The following INKA2 variants were observed in gnomAD, a reference collection of about 807,000 sequenced individuals.
INKA2 encodes the protein PAK4-inhibitor INKA2.
A neutral mutation model predicts 9.8 loss-of-function variants in INKA2; 3 were observed. The observed-to-expected ratio is 0.31, with a 90% CI of 0.14 to 0.79. INKA2 has a LOEUF of 0.79. INKA2 is among the 30% of genes least tolerant of loss of function. The pLI, the probability that INKA2 is intolerant of heterozygous loss-of-function variation, is 0.62. For missense variants in INKA2, 392 were observed against 384.4 expected, an observed-to-expected ratio of 1.02 and a Z score of -0.17; for synonymous variants, 147 against 143.3, an observed-to-expected ratio of 1.03 and a Z score of -0.18.
chr1:111,732,212 G>A (rs1251797170), intron 1 of INKA2, among the ~76,000 whole-genome samples: 1 of 152,222 alleles, frequency 6.6e-6, no homozygotes, highest in Non-Finnish European at 1.5e-5. Context: ...CAGAGGCCGA[G>A]CTTGGGATAT....
At chr1:111,730,150 C>A (rs1485222205) in intron 1 of INKA2, among the ~76,000 whole-genome samples, 1 of 152,204 alleles carries the variant, frequency 6.6e-6, no homozygotes, top group Non-Finnish European at 1.5e-5. Flanking sequence ...ACTCTACTGA[C>A]CCCTTCCTTT....
At position 111,729,742 on chromosome 1, in the gene INKA2, G is replaced by A. The variant is rs979625731; in HGVS notation, c.58-1938C>T. ...CTAAACCCAGAAGGTGGAGGGATCCGAAGGGCAGGCACAGAGGCTCTGCAG... is the reference window on the plus strand; with the variant it reads ...CTAAACCCAGAAGGTGGAGGGATCCAAAGGGCAGGCACAGAGGCTCTGCAG... On this transcript the variant is annotated intron_variant, in intron 1 of 1. Transcript: ENST00000357260. Among the ~76,000 whole-genome samples the A allele has an allele frequency of 4.6e-5, 7 of 152,356 alleles. No individual in the cohort carries two copies. In the East Asian group the frequency reaches 9.6e-4, roughly 21 times the overall value.
chr1:111,754,904 T>A (rs1158185919), intron 1 of INKA2: 1 of 151,932 alleles, frequency 6.6e-6, no homozygotes, highest in Non-Finnish European at 1.5e-5. Context: ...AAAGAAAAAA[T>A]AAAGCAAAAC....
intron 1 of INKA2, chr1:111,753,241 G>A (rs1192085066): frequency 6.6e-6 from 1 of 152,184 alleles, no homozygotes; most frequent in Admixed American, 6.5e-5. Flanking sequence ...GTTGGAGGAG[G>A]TAGATGGGCT....
intron 1 of INKA2, among the ~76,000 whole-genome samples, chr1:111,734,790 A>G (rs954780221): frequency 6.6e-6 from 1 of 152,144 alleles, no homozygotes; most frequent in Non-Finnish European, 1.5e-5. Context: ...GTCTAGTTCA[A>G]ATGCTACCTC....
rs1662770214 is a variant in INKA2, at chr1:111,726,336, C to G, written c.*632G>C. ...GGCTTCCCTGGCTGCTCCTTACACACTGTACTCCTTATTCAGCTCATTTTC... is the reference window on the plus strand; with the variant it reads ...GGCTTCCCTGGCTGCTCCTTACACAGTGTACTCCTTATTCAGCTCATTTTC... On this transcript the variant is annotated 3_prime_UTR_variant, in exon 2 of 2. Coordinates refer to ENST00000357260, the MANE Select transcript of INKA2 (RefSeq NM_019099.5). The G allele has an allele frequency of 1.4e-5, 5 of 355,282 alleles. No individual in the cohort carries two copies. In the East Asian group the frequency reaches 1.7e-4, roughly 12 times the overall value. 22.0% of individuals were successfully genotyped at this position (355,282 alleles called of 1,614,324 possible).
intron 1 of INKA2, among the ~76,000 whole-genome samples, chr1:111,729,100 G>T (rs980458265): frequency 3.3e-5 from 5 of 152,104 alleles, no homozygotes; most frequent in Admixed American, 3.3e-4. Context: ...AGGCTACTCT[G>T]TCCTCTACAG....
chr1:111,751,750 C>A (rs934978386), intron 1 of INKA2, among the ~76,000 whole-genome samples: 26 of 152,104 alleles, frequency 1.7e-4, no homozygotes, highest in African/African-American at 6.0e-4. Context: ...CTCCGTTTTC[C>A]CCTCCTCTGT....
chr1:111,743,042 A>T (rs1287460588), upstream of INKA2, among the ~76,000 whole-genome samples: 2 of 152,128 alleles, frequency 1.3e-5, no homozygotes, highest in African/African-American at 4.8e-5. Context: ...TTTTCTTTTT[A>T]AAAAAGGATT....
At chr1:111,732,568 T>TACACACACACACACACACACAC (rs3085876) in intron 1 of INKA2, among the ~76,000 whole-genome samples, 56 of 142,950 alleles carry the variant, frequency 3.9e-4, no homozygotes, top group East Asian at 4.1e-4. Flanking sequence ...CTCTCTCTGT[T>TACACACACACACACACACACAC]ACACACACAC....
chr1:111,739,508 G>C (rs1663094384), upstream of INKA2: 4 of 1,179,636 alleles, frequency 3.4e-6, no homozygotes, highest in Non-Finnish European at 4.5e-6. Context: ...GCGGCCGGGA[G>C]GCCGGGCTGG....
rs1190964897 is a variant in INKA2, at chr1:111,727,171, C to G, written c.691G>C (p.Gly231Arg). 1.9e-6 allele frequency: 3 copies of G among 1,614,270 alleles called. No homozygotes were observed. The highest frequency in any genetic ancestry group is 2.5e-6 in the Non-Finnish European group (3 of 1,180,052). Reference sequence around the variant, plus strand: ...TCAGGGACCATGGGTGTCACCCAGCCTGGCTTCTCCTTCAGCAGCCGGTCA... The same window carrying G: ...TCAGGGACCATGGGTGTCACCCAGCGTGGCTTCTCCTTCAGCAGCCGGTCA... ...DRDRLLKEKP[G>R]WVTPMVPESR... Residue 231 changes from glycine (G) to arginine (R), a missense_variant, in exon 2 of 2, where the codon GGC (glycine) becomes CGC (arginine). Coordinates refer to ENST00000357260, the MANE Select transcript of INKA2 (RefSeq NM_019099.5).
At chr1:111,738,545 G>A (rs1346755413) in intron 1 of INKA2, among the ~76,000 whole-genome samples, 1 of 151,996 alleles carries the variant, frequency 6.6e-6, no homozygotes, top group Admixed American at 6.6e-5. Flanking sequence ...CTCCTCCAGC[G>A]CAGGGCCCTC....
At chr1:111,739,412 G>A, upstream of INKA2, 1 of 1,467,752 alleles carries the variant, frequency 6.8e-7, no homozygotes, top group Non-Finnish European at 9.0e-7. Flanking sequence ...CCAGCGGCTA[G>A]CCGCGCGCGG....
chr1:111,727,747 C>T lies in INKA2; in HGVS notation c.115G>A (p.Ala39Thr), dbSNP rs1662820167. The part of the protein sequence containing the change: ...LQDQMNCMMG[A>T]LQELKLLQVQ... The stretch of plus-strand genomic sequence containing the variant: ...TGGAGGAGCTTCAGTTCTTGCAGTG[C>T]ACCCATCATGCAGTTCATCTGATCC... The change falls in exon 2 of 2, where the codon GCA becomes ACA. Residue 39 changes from alanine (A) to threonine (T), a missense_variant. Physicochemically the swap from Ala to Thr is moderately conservative, Grantham distance 58. Transcript: ENST00000357260. 4 of 1,613,144 alleles carry T rather than the reference C, an allele frequency of 2.5e-6. No homozygotes were observed. Among genetic ancestry groups the T allele is most frequent in the South Asian group, 1.1e-5 (1 of 91,086 alleles).
intron 1 of INKA2, among the ~76,000 whole-genome samples, chr1:111,736,902 T>C (rs544237271): frequency 3.3e-5 from 5 of 152,344 alleles, no homozygotes; most frequent in African/African-American, 1.2e-4. Context: ...CTTTCCCCTT[T>C]GCTACTGTTG....
At chr1:111,743,750 T>C (rs1052218599), upstream of INKA2, among the ~76,000 whole-genome samples, 2 of 152,174 alleles carry the variant, frequency 1.3e-5, no homozygotes, top group African/African-American at 4.8e-5. Flanking sequence ...TGTGGTCACA[T>C]ACCAGTCTGG....
rs1486643853 is a variant in INKA2 at position 111,725,179 on chromosome 1, A to G, written c.*1789T>C. 6.6e-6 allele frequency: 1 copy of G among 152,060 alleles called. No individual in the cohort carries two copies. The highest frequency in any genetic ancestry group is 6.5e-5 in the Admixed American group (1 of 15,268). The allele number at this position is 152,060 out of a possible 1,614,324, so 9.4% of individuals were successfully genotyped here. A position where few individuals can be genotyped will look rare whatever the true frequency, so the allele number is the denominator to read the frequency against. ...GAAGCAAGCAGAAGAGCCTTTTCTTACTATTTTGCCTCTCCAACTGGCTAT... is the reference window on the plus strand; with the variant it reads ...GAAGCAAGCAGAAGAGCCTTTTCTTGCTATTTTGCCTCTCCAACTGGCTAT... On this transcript the variant is annotated 3_prime_UTR_variant, in exon 2 of 2. Coordinates refer to ENST00000357260, the MANE Select transcript of INKA2 (RefSeq NM_019099.5).
Position 111,726,799 on chromosome 1 carries a change from A to T in INKA2, c.*169T>A. On this transcript the variant is annotated 3_prime_UTR_variant, in exon 2 of 2. Transcript: ENST00000357260. Reference sequence around the variant, plus strand: ...GCCCCCAAGACAGCCTCTCCCAACCACCTTCCCTTCAGTCCTGAGCCAAGA... The same window carrying T: ...GCCCCCAAGACAGCCTCTCCCAACCTCCTTCCCTTCAGTCCTGAGCCAAGA... 1 of 722,660 alleles carries T rather than the reference A, an allele frequency of 1.4e-6. No individual in the cohort carries two copies. The highest frequency in any genetic ancestry group is 2.3e-6 in the Non-Finnish European group (1 of 428,188). 44.8% of individuals were successfully genotyped at this position (722,660 alleles called of 1,614,324 possible). A position where few individuals can be genotyped will look rare whatever the true frequency, so the allele number is the denominator to read the frequency against.
Sources: gnomAD v4.1 joint callset for allele counts (sites outside exome capture counted in the v4.1 genomes callset) on GRCh38, gnomAD v4.1.1 for gene constraint, MANE v1.5 for transcripts, NCBI Gene and HGNC (gene_info 2026-07-23, HGNC 2026-07-21) for gene names.